Variants in SLIT1 observed in about 807,000 individuals in gnomAD.
The protein encoded by SLIT1 is slit guidance ligand 1.
A neutral mutation model predicts 186.1 loss-of-function variants in SLIT1; 66 were observed. The ratio of observed to expected loss-of-function variants is 0.35; its 90% CI spans 0.29 to 0.44. The LOEUF (loss-of-function observed/expected upper bound fraction) is 0.44, where lower values mean the gene tolerates loss of function less well. Among genes scored for constraint, SLIT1 ranks in the 20% least tolerant of loss-of-function variants. The pLI is 1.00. For missense variants in SLIT1, 1,638 were observed against 2,037.4 expected, an observed-to-expected ratio of 0.80 and a Z score of 3.77; for synonymous variants, 761 against 833.8, an observed-to-expected ratio of 0.91 and a Z score of 1.50.
intron 4 of SLIT1, among the ~76,000 whole-genome samples, chr10:97,125,533 CAAAAAA>C (rs34143370): frequency 2.6e-5 from 3 of 115,532 alleles, no homozygotes; most frequent in Admixed American, 9.3e-5. Context: ...GACCCTGTGT[CAAAAAA>C]AAAAAAAAAA....
rs879023450 is a variant in SLIT1 at position 97,046,575 on chromosome 10, C to T, written c.1853+79G>A. On this transcript the variant is annotated intron_variant, in intron 18 of 36. Coordinates refer to ENST00000266058, the MANE Select transcript of SLIT1 (RefSeq NM_003061.3). ...GCTGGGCCCAGGGGAGGGGCTCCTCCAGCCTCTCTCTTCCTTTCCCTTGGC... is the reference window on the plus strand; with the variant it reads ...GCTGGGCCCAGGGGAGGGGCTCCTCTAGCCTCTCTCTTCCTTTCCCTTGGC... 60 of 1,405,248 alleles carry T rather than the reference C, an allele frequency of 4.3e-5. No individual in the cohort carries two copies. In the South Asian group the frequency reaches 7.0e-4, roughly 16 times the overall value. 87.0% of individuals were successfully genotyped at this position (1,405,248 alleles called of 1,614,324 possible). A position where few individuals can be genotyped will look rare whatever the true frequency, so the allele number is the denominator to read the frequency against.
At chr10:97,066,450 G>T (rs1848947407) in intron 4 of SLIT1, among the ~76,000 whole-genome samples, 1 of 152,154 alleles carries the variant, frequency 6.6e-6, no homozygotes, top group Non-Finnish European at 1.5e-5. Flanking sequence ...ATCTCGTGTT[G>T]AATGGTAATC....
chr10:97,156,703 A>C (rs1354874073), intron 4 of SLIT1, among the ~76,000 whole-genome samples: 1 of 152,212 alleles, frequency 6.6e-6, no homozygotes, highest in African/African-American at 2.4e-5. Context: ...CAGAGGAGAC[A>C]AAATCAAGCC....
intron 4 of SLIT1, chr10:97,103,768 C>T (rs1036799297): frequency 6.6e-6 from 1 of 152,180 alleles, no homozygotes; most frequent in Non-Finnish European, 1.5e-5. Flanking sequence ...AGTGTTGTTG[C>T]CCAGTCACAA....
chr10:97,030,691 A>C (rs1016062732), intron 25 of SLIT1, 66 bp downstream of exon 25: 2 of 1,296,776 alleles, frequency 1.5e-6, no homozygotes, highest in African/African-American at 2.9e-5. Flanking sequence ...AGGAGGTGGG[A>C]TCTTCTCAGA....
At chr10:97,109,685 A>G (rs1173873473) in intron 4 of SLIT1, among the ~76,000 whole-genome samples, 2 of 152,164 alleles carry the variant, frequency 1.3e-5, no homozygotes, top group African/African-American at 4.8e-5. Context: ...TTGGAGTGGC[A>G]GGTGCACAGA....
intron 4 of SLIT1, among the ~76,000 whole-genome samples, chr10:97,151,384 G>A (rs1263191857): frequency 6.8e-6 from 1 of 146,688 alleles, no homozygotes; most frequent in African/African-American, 2.5e-5. Flanking sequence ...GTGGGGGTGG[G>A]AGAGTGGATG....
intron 4 of SLIT1, among the ~76,000 whole-genome samples, chr10:97,141,024 C>T (rs1314545532): frequency 1.3e-5 from 2 of 152,174 alleles, no homozygotes; most frequent in Non-Finnish European, 2.9e-5. Context: ...CGAAACACCG[C>T]TTGGGTCGGC....
chr10:97,000,712 A>C lies in SLIT1; in HGVS notation c.*400T>G, dbSNP rs1344939341. 5.6e-6 allele frequency: 1 copy of C among 177,176 alleles called. No homozygotes were observed. The highest frequency in any genetic ancestry group is 6.0e-5 in the Admixed American group (1 of 16,586). 11.0% of individuals were successfully genotyped at this position (177,176 alleles called of 1,614,324 possible). A position where few individuals can be genotyped will look rare whatever the true frequency, so the allele number is the denominator to read the frequency against. ...GGGGCCACAGACCCAGTTCCAAGCCAGCCTGGGCCACAGGCCAAAGGGAAG... is the reference window on the plus strand; with the variant it reads ...GGGGCCACAGACCCAGTTCCAAGCCCGCCTGGGCCACAGGCCAAAGGGAAG... On this transcript the variant is annotated 3_prime_UTR_variant, in exon 37 of 37. Coordinates refer to ENST00000266058, the MANE Select transcript of SLIT1 (RefSeq NM_003061.3).
Position 97,043,311 on chromosome 10 carries a change from A to G in SLIT1, c.1997+59T>C, listed in dbSNP as rs1848705802. 3 of 1,604,976 alleles carry G rather than the reference A, an allele frequency of 1.9e-6. No individual in the cohort carries two copies. The South Asian group carries it at 3.3e-5, about 18-fold the overall frequency. ...TGAGCTCTTTCAAAGTGGCTGGCCG[A>G]GACGGTTGGGACGGTTGCTCCAGAG... On this transcript the variant is annotated intron_variant, in intron 19 of 36. Transcript: ENST00000266058. This position sits in a 1 kb window ranked among gnomAD's most constrained non-coding sequence, Gnocchi z 7.0.
chr10:97,045,264 A>G (rs1354501765), intron 18 of SLIT1, among the ~76,000 whole-genome samples: 1 of 152,228 alleles, frequency 6.6e-6, no homozygotes, highest in African/African-American at 2.4e-5. Flanking sequence ...ATACCTAGTC[A>G]TTCAAACTGA....
At chr10:97,059,012 T>C (rs1317725314) in intron 11 of SLIT1, among the ~76,000 whole-genome samples, 1 of 152,180 alleles carries the variant, frequency 6.6e-6, no homozygotes, top group Non-Finnish European at 1.5e-5. Context: ...TGGGATTCAT[T>C]ACATTTGGGA....
rs571169237 is a variant in SLIT1 at position 97,064,156 on chromosome 10, C to T, written c.629+12G>A. The T allele has an allele frequency of 2.2e-5, 35 of 1,608,840 alleles. No homozygotes were observed. Among genetic ancestry groups the T allele is most frequent in the African/African-American group, 8.0e-5 (6 of 74,962 alleles). ...TTGGCTGCCCCGCTCCCAGCTGCCC[C>T]GGCTGACTCACAAGGTCCGTAGCTT... On this transcript the variant is annotated intron_variant, in intron 7 of 36. Transcript: ENST00000266058.
chr10:97,096,384 C>A (rs370087535), intron 4 of SLIT1, among the ~76,000 whole-genome samples: 1 of 152,138 alleles, frequency 6.6e-6, no homozygotes, highest in Non-Finnish European at 1.5e-5. Context: ...CTCGAGCCCC[C>A]CCGCCAGCGC....
chr10:97,002,045 G>A (rs1344206894), intron 36 of SLIT1, 113 bp downstream of exon 36: 2 of 649,276 alleles, frequency 3.1e-6, no homozygotes, highest in Non-Finnish European at 2.5e-6. Flanking sequence ...GTAGCCCATG[G>A]TACAGGGCTG....
At chr10:97,035,408 C>T (rs1848630534) in intron 22 of SLIT1, among the ~76,000 whole-genome samples, 1 of 152,152 alleles carries the variant, frequency 6.6e-6, no homozygotes, top group Admixed American at 6.5e-5. Flanking sequence ...ATCTTGTTCT[C>T]CCTACCACGC....
intron 18 of SLIT1, among the ~76,000 whole-genome samples, chr10:97,044,727 T>G (rs1031282743): frequency 6.6e-6 from 1 of 152,212 alleles, no homozygotes; most frequent in African/African-American, 2.4e-5. Flanking sequence ...TGGTGAGATG[T>G]AGCAAAATCC....
Position 97,001,141 on chromosome 10 carries a change from T to G in SLIT1, c.4576A>C (p.Thr1526Pro). 6.2e-7 allele frequency: 1 copy of G among 1,613,058 alleles called. No homozygotes were observed. The highest frequency in any genetic ancestry group is 8.5e-7 in the Non-Finnish European group (1 of 1,179,806). The change falls in exon 37 of 37, where the codon ACC becomes CCC. Residue 1526 changes from threonine to proline, a missense_variant. Transcript: ENST00000266058. The part of the protein sequence containing the change: ...TSFAEEVEKP[T>P]KCGCALCA ...GCGCAGAGGGCACAGCCACACTTGG[T>G]GGGCTTTTCCACCTCCTCGGCAAAA...
Position 97,043,289 on chromosome 10 carries a change from G to A in SLIT1, c.1997+81C>T. 6.4e-7 allele frequency: 1 copy of A among 1,558,978 alleles called. No homozygotes were observed. Among genetic ancestry groups the A allele is most frequent in the Non-Finnish European group, 8.8e-7 (1 of 1,135,974 alleles). ...CGAAGACCCAGCACCCCCAGGGTGA[G>A]CTCTTTCAAAGTGGCTGGCCGAGAC... On this transcript the variant is annotated intron_variant, in intron 19 of 36. Transcript: ENST00000266058. This position sits in a 1 kb window ranked among gnomAD's most constrained non-coding sequence, Gnocchi z 7.0.
Sources: allele counts gnomAD v4.1 joint callset (sites outside exome capture counted in the v4.1 genomes callset), GRCh38; gene constraint gnomAD v4.1.1; non-coding constraint Gnocchi (gnomAD v3.1); transcripts MANE v1.5; gene names NCBI Gene and HGNC (gene_info 2026-07-23, HGNC 2026-07-21).